MACF1: variants seen among roughly 807,000 people sequenced by gnomAD.
The protein encoded by MACF1 is microtubule actin crosslinking factor 1, also known as microtubule-actin cross-linking factor 1.
Under a neutral mutation model 854.8 loss-of-function variants are expected in MACF1, and 193 were observed. That is an observed-to-expected ratio of 0.23 (90% CI 0.20 to 0.25). The LOEUF is 0.25. MACF1 is among the 10% of genes least tolerant of loss of function. The pLI is 1.00. For missense variants in MACF1, 7,722 were observed against 8,929.1 expected (o/e 0.86, Z 5.45); for synonymous variants, 3,185 against 3,226.7 (o/e 0.99, Z 0.44).
chr1:39,411,847 G>A (rs371856933), intron 58 of MACF1: 31 of 1,613,726 alleles, frequency 1.9e-5, no homozygotes, highest in Non-Finnish European at 2.4e-5. Context: ...ACATGTAAGG[G>A]CAAAAGATTA....
In MACF1 at chr1:39,331,994, T is replaced by C; in HGVS notation, c.5406T>C (p.Ala1802=). 6.2e-6 allele frequency: 10 copies of C among 1,614,024 alleles called. No individual in the cohort carries two copies. Among genetic ancestry groups the C allele is most frequent in the Non-Finnish European group, 8.5e-6 (10 of 1,180,002 alleles). The change falls in exon 37 of 101, where the codon GCT becomes GCC. Residue 1802 remains alanine, a synonymous_variant. Coordinates refer to ENST00000564288, the MANE Select transcript of MACF1 (RefSeq NM_001394062.1). ...HNLIDQDMAC[A]ILIRQLQTGG... ...TGATTGACCAAGATATGGCCTGTGC[T>C]ATCCTCATAAGGCAGCTTCAGACAG...
chr1:39,120,084 A>G (rs909725198), intron 2 of MACF1, among the ~76,000 whole-genome samples: 1 of 151,860 alleles, frequency 6.6e-6, no homozygotes, highest in Non-Finnish European at 1.5e-5. Context: ...GGGTTTCTCC[A>G]TATTGATGAG....
chr1:39,474,387 G>A (rs1434470907), intron 97 of MACF1, among the ~76,000 whole-genome samples: 5 of 150,638 alleles, frequency 3.3e-5, no homozygotes, highest in Non-Finnish European at 5.9e-5. Flanking sequence ...AGACTCTGTC[G>A]CAAAAAATAA....
intron 63 of MACF1, 119 bp downstream of exon 63, chr1:39,428,406 C>A: frequency 1.0e-6 from 1 of 976,220 alleles, no homozygotes; most frequent in South Asian, 1.8e-5. Context: ...ATTTTATACA[C>A]AAGTGCATAG....
At position 39,333,556 on chromosome 1, in the gene MACF1, T is replaced by C. The variant is rs1006028777; in HGVS notation, c.6968T>C (p.Val2323Ala). The change falls in exon 37 of 101, where the codon GTG (valine) becomes GCG (alanine). Residue 2323 changes from valine to alanine, a missense_variant. By Grantham distance (64) the Val-to-Ala change is moderately conservative. Around this residue, in one of 15 missense-constraint regions of MACF1, gnomAD observed 1,531 missense variants for 1,601.6 expected, o/e 0.96. Transcript: ENST00000564288. ...GGCATTGTGCCAAGTCACACTGCCGTGAAGCTTATGGAGAAGCTGAACATG... is the reference window on the plus strand; with the variant it reads ...GGCATTGTGCCAAGTCACACTGCCGCGAAGCTTATGGAGAAGCTGAACATG... ...SRGIVPSHTA[V>A]KLMEKLNMFQ... 1.4e-5 allele frequency: 22 copies of C among 1,614,134 alleles called. No individual in the cohort carries two copies. Among genetic ancestry groups the C allele is most frequent in the Non-Finnish European group, 1.7e-5 (20 of 1,180,036 alleles).
chr1:39,453,442 C>T (rs1644377063), intron 87 of MACF1, among the ~76,000 whole-genome samples: 1 of 152,110 alleles, frequency 6.6e-6, no homozygotes, highest in South Asian at 2.1e-4. Flanking sequence ...GAGAAACTAA[C>T]TCGAATGGGA....
At chr1:39,462,104 G>A in intron 93 of MACF1, 67 bp downstream of exon 93, 1 of 1,516,164 alleles carries the variant, frequency 6.6e-7, no homozygotes, top group South Asian at 1.2e-5. Flanking sequence ...GAATTTGGTT[G>A]GGTTCAGTGA....
chr1:39,462,619 G>A (rs1366995403), intron 93 of MACF1, among the ~76,000 whole-genome samples: 1 of 151,968 alleles, frequency 6.6e-6, no homozygotes, highest in East Asian at 1.9e-4. Flanking sequence ...GGAGACTGAG[G>A]TGGAAGGATC....
At position 39,376,658 on chromosome 1, in the gene MACF1, G is replaced by A. The variant is rs1175239012; in HGVS notation, c.13214-1803G>A. 3.9e-5 allele frequency among the ~76,000 whole-genome samples: 6 copies of A among 151,904 alleles called. No homozygotes were observed. In the East Asian group the frequency reaches 5.8e-4, roughly 15 times the overall value. On this transcript the variant is annotated intron_variant, in intron 52 of 100. Coordinates refer to ENST00000564288, the MANE Select transcript of MACF1 (RefSeq NM_001394062.1). Reference sequence around the variant, plus strand: ...TTTTTCTATTTTGTATTTTTTAATCGAAAATATAATAACATTAACATTTAA... The same window carrying A: ...TTTTTCTATTTTGTATTTTTTAATCAAAAATATAATAACATTAACATTTAA...
chr1:39,381,126 C>G (rs1015439428), intron 55 of MACF1, among the ~76,000 whole-genome samples: 1 of 151,850 alleles, frequency 6.6e-6, no homozygotes, highest in African/African-American at 2.4e-5. Flanking sequence ...GGCATGATCT[C>G]GGCTCACCGC....
chr1:39,359,739 G>A (rs1647903036), intron 47 of MACF1, among the ~76,000 whole-genome samples: 1 of 151,516 alleles, frequency 6.6e-6, no homozygotes, highest in Admixed American at 6.6e-5. Flanking sequence ...GGGAGGCCGA[G>A]GCGGGCAGAT....
At chr1:39,316,283 T>G in intron 27 of MACF1, 108 bp from the exon 28 acceptor site, 3 of 834,820 alleles carry the variant, frequency 3.6e-6, no homozygotes, top group Non-Finnish European at 5.2e-6. Flanking sequence ...AATGGTGACA[T>G]TGATTTTGGT....
chr1:39,281,345 G>A (rs976261772), intron 6 of MACF1, among the ~76,000 whole-genome samples: 5 of 151,890 alleles, frequency 3.3e-5, no homozygotes, highest in Non-Finnish European at 7.4e-5. Context: ...TGTATGCCTT[G>A]TACATATATA....
Position 39,327,300 on chromosome 1 carries a change from G to A in MACF1, c.4561G>A (p.Ala1521Thr). 1.9e-6 allele frequency: 3 copies of A among 1,607,484 alleles called. No homozygotes were observed. The highest frequency in any genetic ancestry group is 2.6e-6 in the Non-Finnish European group (3 of 1,174,660). ...KAYHDLCDGS[A>T]NQLQQLQSQL... is the part of the protein sequence containing the mutation. ...TTACCATGACCTTTGTGATGGTTCT[G>A]CAAATCAGCTTCAGCAGCTTCAGAG... Residue 1521 changes from alanine (A) to threonine (T), a missense_variant, in exon 36 of 101, where the codon GCA becomes ACA. Ala to Thr is a moderately conservative substitution (Grantham distance 58). Transcript: ENST00000564288.
chr1:39,292,652 A>T, intron 16 of MACF1, 114 bp from the exon 17 acceptor site: 1 of 741,942 alleles, frequency 1.3e-6, no homozygotes, highest in Non-Finnish European at 2.1e-6. Context: ...CTGTTTTCTT[A>T]GAGCAACCAA....
At position 39,406,404 on chromosome 1, in the gene MACF1, TA is replaced by T. The variant is rs547496524; in HGVS notation, c.15817-15967del. Among the ~76,000 whole-genome samples, 13 of 152,272 alleles carry T rather than the reference TA, an allele frequency of 8.5e-5. No individual in the cohort carries two copies. In the East Asian group the frequency reaches 2.3e-3, roughly 27 times the overall value. On this transcript the variant is annotated intron_variant, in intron 58 of 100. Coordinates refer to ENST00000564288, the MANE Select transcript of MACF1 (RefSeq NM_001394062.1). ...GATACCTGACTTGGTGAGGAAACAGTAAAGGAATTTCTGTTCATGAAGTTTG... is the reference window on the plus strand; with the variant it reads ...GATACCTGACTTGGTGAGGAAACAGTAAGGAATTTCTGTTCATGAAGTTTG...
chr1:39,361,243 G>A, intron 48 of MACF1, 117 bp from the exon 49 acceptor site: 2 of 1,017,214 alleles, frequency 2.0e-6, no homozygotes, highest in Non-Finnish European at 2.9e-6. Context: ...TGGTATTCTG[G>A]AGGCTCGGTT....
At chr1:39,443,272 C>T (rs990950251) in intron 78 of MACF1, among the ~76,000 whole-genome samples, 174 bp from the exon 79 acceptor site, 2 of 152,330 alleles carry the variant, frequency 1.3e-5, no homozygotes, top group South Asian at 2.1e-4. Context: ...CTGAAGGATT[C>T]TGCTAGATTC....
At chr1:39,381,852 C>A in intron 55 of MACF1, 101 bp from the exon 56 acceptor site, 1 of 832,868 alleles carries the variant, frequency 1.2e-6, no homozygotes, top group Non-Finnish European at 2.0e-6. Context: ...ATAAATAACG[C>A]TTCTGGGGTC....
Sources: allele counts gnomAD v4.1 joint callset (sites outside exome capture counted in the v4.1 genomes callset), GRCh38; gene constraint gnomAD v4.1.1; regional missense constraint gnomAD v4.1.1; transcripts MANE v1.5; gene names NCBI Gene and HGNC (gene_info 2026-07-23, HGNC 2026-07-21).